ROBO2: variants seen among roughly 807,000 people sequenced by gnomAD.
The protein encoded by ROBO2 is roundabout guidance receptor 2, also known as roundabout homolog 2.
Under a neutral mutation model 160.8 loss-of-function variants are expected in ROBO2, and 53 were observed. The observed-to-expected ratio is 0.33, with a 90% CI of 0.26 to 0.41. ROBO2 has a LOEUF of 0.41. Among genes scored for constraint, ROBO2 ranks in the 10% least tolerant of loss-of-function variants. The pLI is 1.00. For missense variants in ROBO2, 1,577 were observed against 1,722.4 expected (o/e 0.92, Z 1.49); for synonymous variants, 664 against 611.7 (o/e 1.09, Z -1.26).
intron 2 of ROBO2, among the ~76,000 whole-genome samples, chr3:76,044,414 C>T (rs1166475740): frequency 6.6e-6 from 1 of 151,984 alleles, no homozygotes; most frequent in Non-Finnish European, 1.5e-5. Flanking sequence ...GACAAGTTTT[C>T]AGATTTATTG....
chr3:77,342,650 C>G (rs901308035), intron 2 of ROBO2, among the ~76,000 whole-genome samples: 22 of 152,086 alleles, frequency 1.4e-4, no homozygotes, highest in African/African-American at 5.3e-4. Context: ...TGGTATTGTC[C>G]TTTTGATGAA....
At chr3:76,354,061 A>G (rs2075025938) in intron 2 of ROBO2, among the ~76,000 whole-genome samples, 1 of 151,984 alleles carries the variant, frequency 6.6e-6, no homozygotes, top group East Asian at 1.9e-4. Flanking sequence ...AAAACTCAAC[A>G]TAGACGAAGC....
intron 2 of ROBO2, among the ~76,000 whole-genome samples, chr3:77,459,484 C>A (rs2082014315): frequency 6.6e-6 from 1 of 152,182 alleles, no homozygotes; most frequent in African/African-American, 2.4e-5. Context: ...AATACAACAG[C>A]AAGCAAAATG....
At chr3:77,401,374 T>C (rs1320090978) in intron 2 of ROBO2, among the ~76,000 whole-genome samples, 1 of 152,134 alleles carries the variant, frequency 6.6e-6, no homozygotes, top group Non-Finnish European at 1.5e-5. Flanking sequence ...TTTACAGCTA[T>C]ATTTTAAACT....
chr3:77,500,956 G>A (rs1021718004), intron 5 of ROBO2, among the ~76,000 whole-genome samples: 1 of 152,204 alleles, frequency 6.6e-6, no homozygotes, highest in Non-Finnish European at 1.5e-5. Context: ...GAGATGCTCT[G>A]CTGTCTGTTA....
intron 1 of ROBO2, among the ~76,000 whole-genome samples, chr3:77,066,129 C>T (rs2066816011): frequency 6.6e-6 from 1 of 151,706 alleles, no homozygotes; most frequent in Admixed American, 6.6e-5. Context: ...GATAACAGCA[C>T]AGAAACAATC....
chr3:77,192,525 T>G (rs1043697462), intron 2 of ROBO2, among the ~76,000 whole-genome samples: 1 of 152,150 alleles, frequency 6.6e-6, no homozygotes, highest in African/African-American at 2.4e-5. Flanking sequence ...GAGTAAACAT[T>G]CTTAGCTAAA....
intron 17 of ROBO2, 30 bp from the exon 19 acceptor site, chr3:77,595,112 G>T (rs763733519): frequency 1.3e-5 from 21 of 1,584,734 alleles, no homozygotes; most frequent in African/African-American, 2.7e-5. Context: ...ACTTGTGTGT[G>T]CATGTCTTCC....
chr3:75,997,499 C>CTTTTTTGTTTT (rs1553715684), intron 2 of ROBO2, among the ~76,000 whole-genome samples: 3 of 126,524 alleles, frequency 2.4e-5, no homozygotes, highest in Non-Finnish European at 4.9e-5. Flanking sequence ...TTCATCCATT[C>CTTTTTTGTTTT]TTTTTTTTTT....
At chr3:76,950,434 G>A (rs1577756920) in intron 2 of ROBO2, among the ~76,000 whole-genome samples, 1 of 152,250 alleles carries the variant, frequency 6.6e-6, no homozygotes, top group Non-Finnish European at 1.5e-5. Context: ...TTCTAGGACA[G>A]TCATTCTTAT....
intron 5 of ROBO2, among the ~76,000 whole-genome samples, chr3:77,508,016 T>C (rs564496392): frequency 1.4e-4 from 22 of 151,916 alleles, no homozygotes; most frequent in Non-Finnish European, 3.1e-4. Context: ...GAAATACTCC[T>C]TTCTGATCAT....
At position 75,946,618 on chromosome 3, in the gene ROBO2, A is replaced by G. The variant is rs560075561; in HGVS notation, c.109+9016A>G. Among the ~76,000 whole-genome samples the G allele has an allele frequency of 1.1e-4, 16 of 152,136 alleles. No homozygotes were observed. In the East Asian group the frequency reaches 2.1e-3, roughly 20 times the overall value. The stretch of plus-strand genomic sequence containing the variant: ...CTGAGGAGGTAATATTTCATTTGAG[A>G]GTTGAGTGAAGACAAATAGGGAGGT... On this transcript the variant is annotated intron_variant, in intron 2 of 26. Transcript: ENST00000487694.
At chr3:76,645,661 G>A (rs1420480768) in intron 2 of ROBO2, among the ~76,000 whole-genome samples, 2 of 152,136 alleles carry the variant, frequency 1.3e-5, no homozygotes, top group Non-Finnish European at 1.5e-5. Flanking sequence ...GGAAGAAGTA[G>A]TTTTAGAGAA....
chr3:76,274,782 A>G (rs1707821315), intron 2 of ROBO2, among the ~76,000 whole-genome samples: 1 of 150,862 alleles, frequency 6.6e-6, no homozygotes. Flanking sequence ...GGTTGCAGTG[A>G]GCTGAGATTG....
intron 2 of ROBO2, among the ~76,000 whole-genome samples, chr3:76,094,274 A>T (rs974668426): frequency 6.6e-6 from 1 of 152,336 alleles, no homozygotes; most frequent in Admixed American, 6.5e-5. Context: ...CAGTGACCAG[A>T]TGGATGCGGC....
chr3:76,609,740 G>C (rs2087939053), intron 2 of ROBO2, among the ~76,000 whole-genome samples: 1 of 152,104 alleles, frequency 6.6e-6, no homozygotes, highest in Non-Finnish European at 1.5e-5. Flanking sequence ...CTTTAGCTAG[G>C]ACTTCCAATA....
At chr3:77,433,225 T>TA (rs1404459204) in intron 2 of ROBO2, among the ~76,000 whole-genome samples, 1 of 151,860 alleles carries the variant, frequency 6.6e-6, no homozygotes, top group Non-Finnish European at 1.5e-5. Context: ...TAGAGCAAGA[T>TA]AAACAGAAAT....
chr3:77,228,537 C>T (rs1187128437), intron 2 of ROBO2, among the ~76,000 whole-genome samples: 1 of 151,316 alleles, frequency 6.6e-6, no homozygotes, highest in African/African-American at 2.4e-5. Context: ...ACAATGAGAA[C>T]ATATGGGCAG....
At chr3:77,383,545 T>G (rs566867328) in intron 2 of ROBO2, among the ~76,000 whole-genome samples, 1 of 152,260 alleles carries the variant, frequency 6.6e-6, no homozygotes, top group Admixed American at 6.5e-5. Flanking sequence ...CTGCTGATAC[T>G]CAAAGTTTAG....
Sources: allele counts gnomAD v4.1 joint callset (sites outside exome capture counted in the v4.1 genomes callset), GRCh38; gene constraint gnomAD v4.1.1; transcripts MANE v1.5; gene names NCBI Gene and HGNC (gene_info 2026-07-23, HGNC 2026-07-21).